Variants in AIFM1 observed in about 807,000 individuals in gnomAD.
AIFM1 encodes the protein apoptosis-inducing factor 1, mitochondrial.
In AIFM1, 3 loss-of-function variants were observed where a neutral mutation model predicts 51.7. The observed-to-expected ratio is 0.06, with a 90% CI of 0.03 to 0.15. AIFM1 has a LOEUF of 0.15. Ranked by LOEUF, AIFM1 falls within the 10% of genes least tolerant of loss-of-function variation. The pLI, the probability that AIFM1 is intolerant of heterozygous loss-of-function variation, is 1.00. For missense variants in AIFM1, 330 were observed against 476.8 expected, an observed-to-expected ratio of 0.69 and a Z score of 2.87; for synonymous variants, 178 against 179.4, an observed-to-expected ratio of 0.99 and a Z score of 0.06.
At chrX:130,139,903 C>A in intron 7 of AIFM1, 32 bp from the exon 8 acceptor site, 1 of 1,146,910 alleles carries the variant, frequency 8.7e-7, no homozygotes, top group South Asian at 1.8e-5. Context: ...CCCTTTAGCC[C>A]AACAAGCAGG....
At chrX:130,148,242 TCA>T (rs1361917875) in intron 3 of AIFM1, among the ~76,000 whole-genome samples, 2 of 111,503 alleles carry the variant, frequency 1.8e-5, no homozygotes, top group African/African-American at 6.5e-5. Context: ...AATATCAGGC[TCA>T]GTTTCACCTT....
chrX:130,164,294 G>A (rs1569424167), intron 1 of AIFM1, among the ~76,000 whole-genome samples: 1 of 112,391 alleles, frequency 8.9e-6, no homozygotes, highest in Non-Finnish European at 1.9e-5. Context: ...TAAAAGCTAA[G>A]CAGAGGTTTT....
chrX:130,156,633 CAT>C lies in AIFM1; in HGVS notation c.107-32_107-31del, dbSNP rs764822481. 8.3e-6 allele frequency: 10 copies of C among 1,199,126 alleles called. No individual in the cohort carries two copies. The South Asian group carries it at 8.8e-5, about 11-fold the overall frequency. On this transcript the variant is annotated intron_variant, in intron 1 of 15. Coordinates refer to ENST00000287295, the MANE Select transcript of AIFM1 (RefSeq NM_004208.4). ...GAAACATAATTTATTAAGACACACA[CAT>C]ACAAAAATAAAATAGTTAATACATA... is the stretch of plus-strand genomic sequence containing the variant.
intron 8 of AIFM1, among the ~76,000 whole-genome samples, chrX:130,139,235 G>A: frequency 9.0e-6 from 1 of 110,575 alleles, no homozygotes; most frequent in East Asian, 2.8e-4. Context: ...GGAAGGCTGA[G>A]GCACAAGAAT....
chrX:130,160,739 C>A lies in AIFM1; in HGVS notation c.107-4136G>T, dbSNP rs114585146. On this transcript the variant is annotated intron_variant, in intron 1 of 15. Coordinates refer to ENST00000287295, the MANE Select transcript of AIFM1 (RefSeq NM_004208.4). ...GGATAACTGAACATTTTAAATAATT[C>A]TTTGCAAAGAAATTTTAGCCAGGGC... Among the ~76,000 whole-genome samples the A allele has an allele frequency of 5.3e-3, 583 of 111,027 alleles. 2 individuals carry two copies. Among genetic ancestry groups the A allele is most frequent in the African/African-American group, 0.018 (554 of 30,565 alleles).
chrX:130,130,303 C>T, intron 14 of AIFM1, 137 bp from the exon 15 acceptor site: 1 of 707,833 alleles, frequency 1.4e-6, no homozygotes, highest in Admixed American at 2.7e-5. Flanking sequence ...TTTCTCTATG[C>T]CCCCTCAGTA....
intron 2 of AIFM1, among the ~76,000 whole-genome samples, chrX:130,152,998 A>C (rs1204707570): frequency 9.0e-6 from 1 of 110,695 alleles, no homozygotes; most frequent in Non-Finnish European, 1.9e-5. Context: ...TTGTAAAAGA[A>C]ATGTATTTCT....
intron 6 of AIFM1, among the ~76,000 whole-genome samples, chrX:130,142,084 C>G (rs1200860710): frequency 8.9e-6 from 1 of 112,168 alleles, no homozygotes; most frequent in Non-Finnish European, 1.9e-5. Flanking sequence ...TAAGCACCTA[C>G]TATGTATCAA....
intron 1 of AIFM1, among the ~76,000 whole-genome samples, chrX:130,160,006 G>C (rs1445018331): frequency 9.1e-6 from 1 of 110,070 alleles, no homozygotes; most frequent in Non-Finnish European, 1.9e-5. Flanking sequence ...ATTTTTTGTA[G>C]ATACGAGGTT....
chrX:130,134,331 C>A (rs1207107801), intron 12 of AIFM1, among the ~76,000 whole-genome samples: 7 of 111,274 alleles, frequency 6.3e-5, no homozygotes, highest in Non-Finnish European at 9.4e-5. Flanking sequence ...CTGTTCTTTC[C>A]TTAACAGACA....
chrX:130,138,282 G>C (rs112432216), intron 9 of AIFM1, among the ~76,000 whole-genome samples: 1 of 110,193 alleles, frequency 9.1e-6, no homozygotes, highest in Non-Finnish European at 1.9e-5. Context: ...TGGCTAACAC[G>C]GTGAAACCCC....
rs187924976 is a variant in AIFM1 at position 130,161,256 on chromosome X, T to C, written c.106+4295A>G. Among the ~76,000 whole-genome samples, 3 of 110,836 alleles carry C rather than the reference T, an allele frequency of 2.7e-5. No individual in the cohort carries two copies. The East Asian group carries it at 8.6e-4, about 32-fold the overall frequency. ...AGCCAGGTGCGGTGGCTCACACTTGTAATCCCAGCACTTTGGGAGGCCGAG... is the reference window on the plus strand; with the variant it reads ...AGCCAGGTGCGGTGGCTCACACTTGCAATCCCAGCACTTTGGGAGGCCGAG... On this transcript the variant is annotated intron_variant, in intron 1 of 15. Coordinates refer to ENST00000287295, the MANE Select transcript of AIFM1 (RefSeq NM_004208.4).
chrX:130,158,241 G>A (rs2031234701), intron 1 of AIFM1, among the ~76,000 whole-genome samples: 1 of 110,860 alleles, frequency 9.0e-6, no homozygotes, highest in Non-Finnish European at 1.9e-5. Flanking sequence ...TCCAGACTGG[G>A]CAACGAGAGC....
chrX:130,165,057 C>G (rs770506498), intron 1 of AIFM1, among the ~76,000 whole-genome samples: 1 of 109,882 alleles, frequency 9.1e-6, no homozygotes, highest in South Asian at 4.0e-4. Flanking sequence ...CCAACCGACT[C>G]CTTACTTGCC....
Position 130,139,882 on chromosome X carries a change from G to A in AIFM1, c.782-11C>T, listed in dbSNP as rs754113155. The A allele has an allele frequency of 7.5e-6, 9 of 1,201,790 alleles. No individual in the cohort carries two copies. Among genetic ancestry groups the A allele is most frequent in the South Asian group, 7.0e-5 (4 of 56,777 alleles). On this transcript the variant is annotated splice_polypyrimidine_tract_variant and intron_variant, in intron 7 of 15. Transcript: ENST00000287295. ...TTCTTGGAGTACCTCCTGGAAATAA[G>A]AGAAGGAAAACCCTTTAGCCCAACA...
At chrX:130,149,895 TAGAAA>T (rs2030899503) in intron 2 of AIFM1, among the ~76,000 whole-genome samples, 1 of 112,258 alleles carries the variant, frequency 8.9e-6, no homozygotes, top group South Asian at 3.6e-4. Flanking sequence ...AATAAAGTGC[TAGAAA>T]GGGCTAATCT....
At position 130,139,845 on chromosome X, in the gene AIFM1, T is replaced by C. The variant is rs1450416950; in HGVS notation, c.808A>G (p.Ile270Val). ...TTCACCTCTGCTCCAGCCCTATCAA[T>C]GGCAGACAGACTTCTTGGAGTACCT... ...TGGTPRSLSA[I>V]DRAGAEVKSR... The change falls in exon 8 of 16, where the codon ATT (isoleucine) becomes GTT (valine). Residue 270 changes from isoleucine to valine, a missense_variant. Ile to Val is a conservative substitution (Grantham distance 29). Coordinates refer to ENST00000287295, the MANE Select transcript of AIFM1 (RefSeq NM_004208.4). 1.7e-6 allele frequency: 2 copies of C among 1,209,411 alleles called. No homozygotes were observed. Among genetic ancestry groups the C allele is most frequent in the African/African-American group, 3.5e-5 (2 of 57,197 alleles).
chrX:130,151,706 A>C (rs2030987289), intron 2 of AIFM1, among the ~76,000 whole-genome samples: 1 of 112,299 alleles, frequency 8.9e-6, no homozygotes, highest in Admixed American at 9.5e-5. Flanking sequence ...TACTATACAC[A>C]AGTCCAGTAT....
In AIFM1 at chrX:130,150,326, C is replaced by CTT. The variant is rs755785211; in HGVS notation, c.250-760_250-759dup. Reference sequence around the variant, plus strand: ...ATACAGTACCAGAGTTTATTGGAGACTTTTTTTTTTTTTTTTTTTTTTTTT... The same window carrying CTT: ...ATACAGTACCAGAGTTTATTGGAGACTTTTTTTTTTTTTTTTTTTTTTTTTTT... On this transcript the variant is annotated intron_variant, in intron 2 of 15. Coordinates refer to ENST00000287295, the MANE Select transcript of AIFM1 (RefSeq NM_004208.4). Among the ~76,000 whole-genome samples, 206 of 61,654 alleles carry CTT rather than the reference C, an allele frequency of 3.3e-3. 25 individuals carry two copies. Among genetic ancestry groups the CTT allele is most frequent in the African/African-American group, 8.6e-3 (131 of 15,291 alleles). The allele number at this position is 61,654 out of a possible 115,157, so 53.5% of individuals were successfully genotyped here.
Sources: gnomAD v4.1 joint callset for allele counts (sites outside exome capture counted in the v4.1 genomes callset) on GRCh38, gnomAD v4.1.1 for gene constraint, MANE v1.5 for transcripts, NCBI Gene and HGNC (gene_info 2026-07-23, HGNC 2026-07-21) for gene names.